GALK2: variants seen among roughly 807,000 people sequenced by gnomAD.
GALK2 encodes the protein galactokinase 2, also known as N-acetylgalactosamine kinase.
GALK2 carries 36 observed loss-of-function variants against 52.4 expected under a neutral mutation model. That is an observed-to-expected ratio of 0.69 (90% CI 0.53 to 0.91). The LOEUF (loss-of-function observed/expected upper bound fraction) is 0.91, where lower values mean the gene tolerates loss of function less well. Ranked by LOEUF, GALK2 falls within the 40% of genes least tolerant of loss-of-function variation. GALK2 has a pLI of 0.00. For synonymous variants in GALK2, 176 were observed against 199.1 expected (o/e 0.88, Z 0.98); for missense variants, 579 against 559.1 (o/e 1.04, Z -0.36).
At chr15:49,367,547 C>CTCTG in exon 4 of GALK2, 1 of 1,606,200 alleles carries the variant, frequency 6.2e-7, no homozygotes, top group Non-Finnish European at 8.5e-7. Context: ...AATCAATGGA[C>CTCTG]TCTGACCTCC....
rs2091761326 is a variant in GALK2 at position 49,255,121 on chromosome 15, A to G, written c.504+15754A>G. Among the ~76,000 whole-genome samples the G allele has an allele frequency of 2.1e-5, 3 of 143,508 alleles. 1 individual carries two copies. Among genetic ancestry groups the G allele is most frequent in the Admixed American group, 7.1e-5 (1 of 14,168 alleles). 94.1% of individuals were successfully genotyped at this position (143,508 alleles called of 152,430 possible). ...TATATCATTGGAACATTTAACATTG[A>G]TATAATATTATTATCTAATATGCAG... is the stretch of plus-strand genomic sequence containing the variant. On this transcript the variant is annotated intron_variant, in intron 5 of 9. Transcript: ENST00000560031.
intron 5 of GALK2, among the ~76,000 whole-genome samples, chr15:49,262,923 G>A (rs2092192937): frequency 7.0e-6 from 1 of 143,652 alleles, no homozygotes; most frequent in East Asian, 2.0e-4. Flanking sequence ...ATTGCACTGT[G>A]GTCTGAGAGA....
intron 3 of GALK2, among the ~76,000 whole-genome samples, chr15:49,355,475 G>A (rs2042991128): frequency 6.6e-6 from 1 of 152,160 alleles, no homozygotes; most frequent in African/African-American, 2.4e-5. Context: ...CGATCAACTG[G>A]AAGAAAGGGT....
At chr15:49,162,590 C>T (rs2084690200) in intron 1 of GALK2, among the ~76,000 whole-genome samples, 2 of 152,142 alleles carry the variant, frequency 1.3e-5, no homozygotes, top group South Asian at 4.1e-4. Flanking sequence ...TGACTTGCTT[C>T]TAACTAAAAT....
intron 3 of GALK2, among the ~76,000 whole-genome samples, chr15:49,342,375 GT>G (rs1396645824): frequency 1.3e-5 from 2 of 152,042 alleles, no homozygotes; most frequent in African/African-American, 4.8e-5. Flanking sequence ...TTCCATTTAT[GT>G]GATAGAACTT....
intron 3 of GALK2, among the ~76,000 whole-genome samples, chr15:49,232,117 G>A (rs2090535609): frequency 6.6e-6 from 1 of 152,244 alleles, no homozygotes; most frequent in Non-Finnish European, 1.5e-5. Flanking sequence ...GCAGGGTTCT[G>A]CCTAGACATT....
downstream of GALK2, among the ~76,000 whole-genome samples, chr15:49,336,370 T>C (rs984480076): frequency 2.6e-5 from 4 of 152,204 alleles, no homozygotes; most frequent in African/African-American, 9.6e-5. Context: ...CCCTTTGAAG[T>C]GGCAATTGGC....
rs2038014038 is a variant in GALK2, at chr15:49,328,847, T to G, written c.*688T>G. On this transcript the variant is annotated 3_prime_UTR_variant, in exon 10 of 10. Coordinates refer to ENST00000560031, the MANE Select transcript of GALK2 (RefSeq NM_002044.4). ...CTCATTTGAATATTTGTAAACCATG[T>G]AATATATAAATAACCACTTTCAATT... The G allele has an allele frequency of 7.3e-7, 1 of 1,369,076 alleles. No homozygotes were observed. The highest frequency in any genetic ancestry group is 3.1e-5 in the Admixed American group (1 of 32,682). 84.8% of individuals were successfully genotyped at this position (1,369,076 alleles called of 1,614,324 possible). A position where few individuals can be genotyped will look rare whatever the true frequency, so the allele number is the denominator to read the frequency against.
At chr15:49,350,834 C>T (rs2042136532) in intron 3 of GALK2, among the ~76,000 whole-genome samples, 1 of 152,088 alleles carries the variant, frequency 6.6e-6, no homozygotes. Context: ...GTGAGCTGGG[C>T]CAATGGTAGG....
At chr15:49,206,474 ATTTG>A (rs2088297604) in intron 2 of GALK2, among the ~76,000 whole-genome samples, 1 of 151,872 alleles carries the variant, frequency 6.6e-6, no homozygotes, top group South Asian at 2.1e-4. Context: ...ATGTGTTTCC[ATTTG>A]TTTGTGTTGT....
intron 3 of GALK2, among the ~76,000 whole-genome samples, chr15:49,338,414 G>A (rs2040139387): frequency 6.6e-6 from 1 of 152,090 alleles, no homozygotes. Flanking sequence ...TGAAATTCTG[G>A]GTTGAAAATT....
At chr15:49,158,446 T>A (rs2084531121) in intron 1 of GALK2, among the ~76,000 whole-genome samples, 1 of 152,208 alleles carries the variant, frequency 6.6e-6, no homozygotes, top group African/African-American at 2.4e-5. Flanking sequence ...CAATATAAAA[T>A]GCATTTTAAA....
intron 8 of GALK2, among the ~76,000 whole-genome samples, chr15:49,300,379 T>G (rs2141864281): frequency 6.6e-6 from 1 of 152,210 alleles, no homozygotes; most frequent in East Asian, 1.9e-4. Flanking sequence ...TGATTCTTGC[T>G]TCTTTATCCC....
chr15:49,228,759 T>A (rs1223696644), intron 3 of GALK2, among the ~76,000 whole-genome samples: 1 of 137,018 alleles, frequency 7.3e-6, no homozygotes, highest in Non-Finnish European at 1.5e-5. Context: ...AGTGGCATGA[T>A]GTTGGTTCAC....
At chr15:49,279,408 A>G (rs1469773392) in intron 5 of GALK2, among the ~76,000 whole-genome samples, 3 of 152,202 alleles carry the variant, frequency 2.0e-5, no homozygotes, top group Non-Finnish European at 4.4e-5. Context: ...CCTTTGAGGT[A>G]GTGAAAAATA....
intron 1 of GALK2, among the ~76,000 whole-genome samples, chr15:49,183,290 G>T (rs1450776813): frequency 6.6e-6 from 1 of 151,892 alleles, no homozygotes; most frequent in African/African-American, 2.4e-5. Flanking sequence ...TTTTGACATG[G>T]GCATTTATTT....
At chr15:49,340,903 C>T (rs1259237332) in intron 3 of GALK2, among the ~76,000 whole-genome samples, 1 of 152,142 alleles carries the variant, frequency 6.6e-6, no homozygotes. Flanking sequence ...TAAAGTCTTA[C>T]ATTTAAATAT....
rs546067692 is a variant in GALK2, at chr15:49,156,116, T to G, written c.20+100T>G. On this transcript the variant is annotated intron_variant, in intron 1 of 9. Transcript: ENST00000327171. ...TACTTTTCAGCAACACAGTTTACACTTAATGCTTGTTATATTTGTAGTTGA... is the reference window on the plus strand; with the variant it reads ...TACTTTTCAGCAACACAGTTTACACGTAATGCTTGTTATATTTGTAGTTGA... 45 of 1,126,878 alleles carry G rather than the reference T, an allele frequency of 4.0e-5. No homozygotes were observed. The African/African-American group carries it at 4.4e-4, about 11-fold the overall frequency. 69.8% of individuals were successfully genotyped at this position (1,126,878 alleles called of 1,614,324 possible).
At chr15:49,216,023 T>A in intron 2 of GALK2, among the ~76,000 whole-genome samples, 1 of 152,226 alleles carries the variant, frequency 6.6e-6, no homozygotes, top group South Asian at 2.1e-4. Flanking sequence ...TTGACGAGTT[T>A]GGGTAAGGTA....
Sources: gnomAD v4.1 joint callset for allele counts (sites outside exome capture counted in the v4.1 genomes callset) on GRCh38, gnomAD v4.1.1 for gene constraint, MANE v1.5 for transcripts, NCBI Gene and HGNC (gene_info 2026-07-23, HGNC 2026-07-21) for gene names.